SPATA22: variants seen among roughly 807,000 people sequenced by gnomAD.
SPATA22 encodes spermatogenesis-associated protein 22.
A neutral mutation model predicts 47.8 loss-of-function variants in SPATA22; 29 were observed. The observed-to-expected ratio is 0.61, with a 90% CI of 0.45 to 0.83. The LOEUF (loss-of-function observed/expected upper bound fraction) is 0.83, where lower values mean the gene tolerates loss of function less well. Among genes scored for constraint, SPATA22 ranks in the 40% least tolerant of loss-of-function variants. The pLI is 0.00. For synonymous variants in SPATA22, 133 were observed against 140.9 expected, an observed-to-expected ratio of 0.94 and a Z score of 0.40; for missense variants, 410 against 421.7, an observed-to-expected ratio of 0.97 and a Z score of 0.24.
At chr17:3,454,920 T>C (rs2072950365) in intron 5 of SPATA22, among the ~76,000 whole-genome samples, 1 of 151,852 alleles carries the variant, frequency 6.6e-6, no homozygotes, top group Non-Finnish European at 1.5e-5. Context: ...CCACCAACAG[T>C]GTAAAAGTGT....
chr17:3,481,634 G>A (rs768079252), intron 1 of SPATA22: 8 of 1,613,778 alleles, frequency 5.0e-6, no homozygotes, highest in Admixed American at 1.7e-5. Flanking sequence ...GCCATATGAA[G>A]TGAGAAGGGC....
intron 1 of SPATA22, among the ~76,000 whole-genome samples, chr17:3,510,129 G>A (rs1048686168): frequency 6.6e-6 from 1 of 152,140 alleles, no homozygotes; most frequent in African/African-American, 2.4e-5. Context: ...TCACTCTGAT[G>A]GTAGTTTGTT....
chr17:3,468,290 G>A (rs2073357519), intron 2 of SPATA22: 1 of 152,184 alleles, frequency 6.6e-6, no homozygotes, highest in Admixed American at 6.5e-5. Flanking sequence ...GAACTCGAAG[G>A]GAAAAGAAGT....
At position 3,485,182 on chromosome 17, in the gene SPATA22, C is replaced by G. The variant is rs2073698066; in HGVS notation, c.-73-15784G>C. On this transcript the variant is annotated intron_variant, in intron 1 of 8. Transcript: ENST00000541913. This position sits in a 1 kb window ranked among gnomAD's most constrained non-coding sequence, Gnocchi z 4.4. ...TACAGGCACGTGCCACCACATTCAG[C>G]TAATTTTTTATTTTTTGTAGAGACA... Among the ~76,000 whole-genome samples, 1 of 152,074 alleles carries G rather than the reference C, an allele frequency of 6.6e-6. No individual in the cohort carries two copies. The highest frequency in any genetic ancestry group is 1.5e-5 in the Non-Finnish European group (1 of 68,014).
intron 3 of SPATA22, among the ~76,000 whole-genome samples, chr17:3,463,812 TC>T (rs1343302769): frequency 3.3e-5 from 5 of 152,182 alleles, no homozygotes; most frequent in African/African-American, 1.2e-4. Flanking sequence ...GGCTGTATTT[TC>T]TATTCTACTC....
At chr17:3,447,715 T>C (rs2072759210) in intron 6 of SPATA22, among the ~76,000 whole-genome samples, 1 of 152,126 alleles carries the variant, frequency 6.6e-6, no homozygotes, top group Admixed American at 6.6e-5. Context: ...AAAATAAAAG[T>C]ATCACGCCCA....
chr17:3,486,580 C>T (rs1420463400), intron 1 of SPATA22, among the ~76,000 whole-genome samples: 2 of 152,162 alleles, frequency 1.3e-5, no homozygotes, highest in Non-Finnish European at 2.9e-5. Flanking sequence ...CTCAAACACC[C>T]TCTTTCTTCT....
intron 3 of SPATA22, among the ~76,000 whole-genome samples, chr17:3,465,555 C>G (rs1009816833): frequency 1.3e-5 from 2 of 151,566 alleles, no homozygotes; most frequent in African/African-American, 4.9e-5. Context: ...GCAAGATGTG[C>G]TTTGTTAAAC....
rs923195272 is a variant in SPATA22, at chr17:3,488,037, AATAAG to A, written c.-73-18644_-73-18640del. Among the ~76,000 whole-genome samples, 14 of 152,204 alleles carry A rather than the reference AATAAG, an allele frequency of 9.2e-5. No homozygotes were observed. The highest frequency in any genetic ancestry group is 2.4e-4 in the African/African-American group (10 of 41,450). On this transcript the variant is annotated intron_variant, in intron 1 of 8. Transcript: ENST00000541913. This position sits in a 1 kb window ranked among gnomAD's most constrained non-coding sequence, Gnocchi z 6.1. ...CAACAAATAAAAAATGATGCAAGAG[AATAAG>A]ATAAGATTTTGTGTATTGGGAAATA...
rs550206549 is a variant in SPATA22, at chr17:3,465,042, C to T, written c.173-2275G>A. Among the ~76,000 whole-genome samples the T allele has an allele frequency of 5.1e-5, 7 of 136,760 alleles. No homozygotes were observed. The South Asian group carries it at 1.7e-3, about 33-fold the overall frequency. 89.7% of individuals were successfully genotyped at this position (136,760 alleles called of 152,430 possible). ...TGGGGGGGTCAGCCCCCAGCCCGGC[C>T]AGCCGCCCCGTCCGGGAGGGAGGTG... On this transcript the variant is annotated intron_variant, in intron 3 of 8. Transcript: ENST00000572969.
At chr17:3,450,557 T>A (rs1016228450) in intron 5 of SPATA22, among the ~76,000 whole-genome samples, 1 of 152,132 alleles carries the variant, frequency 6.6e-6, no homozygotes, top group East Asian at 1.9e-4. Flanking sequence ...CTCAAACCCA[T>A]GGGCACAAGT....
rs12602543 is a variant in SPATA22, at chr17:3,469,313, G to C, written c.13C>G (p.Leu5Val). The change falls in exon 2 of 9, where the codon CTA becomes GTA. Residue 5 changes from leucine to valine, a missense_variant. By Grantham distance (32) the Leu-to-Val change is conservative (BLOSUM62 1). Transcript: ENST00000572969. The stretch of plus-strand genomic sequence containing the variant: ...GTACTTCGAGCTGAATTTTCATTTA[G>C]GCTTCGCTTCATTTCCTTCAATATC... MKRS[L>V]NENSARSTAG... is the part of the protein sequence containing the mutation. 2.7e-5 allele frequency: 42 copies of C among 1,569,686 alleles called. No individual in the cohort carries two copies. The East Asian group carries it at 8.8e-4, about 33-fold the overall frequency.
chr17:3,469,444 C>A (rs1018058220), intron 1 of SPATA22, 46 bp from the exon 2 acceptor site: 2 of 738,738 alleles, frequency 2.7e-6, no homozygotes. Flanking sequence ...AACTATAAAA[C>A]CCAATCCTCA....
intron 1 of SPATA22, among the ~76,000 whole-genome samples, chr17:3,493,323 G>A (rs941042842): frequency 6.6e-6 from 1 of 152,156 alleles, no homozygotes; most frequent in Admixed American, 6.5e-5. Context: ...AGCACTTGGG[G>A]AGGCTGAGGC....
chr17:3,457,610 G>A (rs1407948057), intron 5 of SPATA22, among the ~76,000 whole-genome samples: 1 of 151,988 alleles, frequency 6.6e-6, no homozygotes, highest in Non-Finnish European at 1.5e-5. Context: ...AAAACAGTAT[G>A]GTACTGGTAT....
chr17:3,460,792 CAAAAAAAAAAAAA>C (rs71379504), intron 5 of SPATA22, among the ~76,000 whole-genome samples: 1 of 60,098 alleles, frequency 1.7e-5, no homozygotes, highest in African/African-American at 8.1e-5. Context: ...GATCCAGTCT[CAAAAAAAAAAAAA>C]AAAAAAAAAG....
chr17:3,503,040 G>A (rs1291800673), intron 1 of SPATA22: 1 of 152,170 alleles, frequency 6.6e-6, no homozygotes, highest in Non-Finnish European at 1.5e-5. Context: ...AGGACCTTCT[G>A]CTGGACGCCG....
At chr17:3,457,412 T>C (rs1344138919) in intron 5 of SPATA22, among the ~76,000 whole-genome samples, 1 of 152,150 alleles carries the variant, frequency 6.6e-6, no homozygotes, top group African/African-American at 2.4e-5. Flanking sequence ...CTACCCAAAG[T>C]GATCTACAGA....
At chr17:3,473,109 TAA>T (rs34905771), upstream of SPATA22, among the ~76,000 whole-genome samples, 172 of 129,302 alleles carry the variant, frequency 1.3e-3, no homozygotes, top group Middle Eastern at 4.1e-3. Context: ...GATTTTTCAT[TAA>T]AAAAAAAAAA....
Sources: gnomAD v4.1 joint callset for allele counts (sites outside exome capture counted in the v4.1 genomes callset) on GRCh38, gnomAD v4.1.1 for gene constraint, Gnocchi (gnomAD v3.1) non-coding constraint, MANE v1.5 for transcripts, NCBI Gene and HGNC (gene_info 2026-07-23, HGNC 2026-07-21) for gene names.